Variants in RTL4 observed in about 807,000 individuals in gnomAD.
RTL4 encodes the protein retrotransposon Gag-like protein 4.
A neutral mutation model predicts 5.3 loss-of-function variants in RTL4; 4 were observed. The observed-to-expected ratio is 0.75, with a 90% confidence interval of 0.37 to 1.72. The LOEUF (loss-of-function observed/expected upper bound fraction) is 1.72. Among genes scored for constraint, RTL4 ranks in the 40% most tolerant of loss-of-function variants. The pLI is 0.04. For missense variants in RTL4, 260 were observed against 227.1 expected, an observed-to-expected ratio of 1.14 and a Z score of -0.93; for synonymous variants, 98 against 87.3, an observed-to-expected ratio of 1.12 and a Z score of -0.68.
At chrX:112,191,076 G>A in the RTL4 span, among the ~76,000 whole-genome samples, 1 of 112,558 alleles carries the variant, frequency 8.9e-6, no homozygotes, top group Non-Finnish European at 1.9e-5. Flanking sequence ...GTCTTGGAAG[G>A]TAGGGATGGT....
chrX:112,397,977 C>T, the RTL4 span, among the ~76,000 whole-genome samples: 1 of 111,272 alleles, frequency 9.0e-6, no homozygotes, highest in South Asian at 3.8e-4. Context: ...GCCTTTTATC[C>T]CTTTTCTTGC....
chrX:112,443,528 G>C, the RTL4 span, among the ~76,000 whole-genome samples: 27 of 111,850 alleles, frequency 2.4e-4, no homozygotes, highest in African/African-American at 7.8e-4. Flanking sequence ...CTCCACAGTG[G>C]TTGTACTAAT....
chrX:112,134,285 T>C, the RTL4 span, among the ~76,000 whole-genome samples: 2 of 111,712 alleles, frequency 1.8e-5, no homozygotes. Context: ...CTTTGTGGAG[T>C]GGAGCAAAGC....
chrX:112,356,579 G>GGTGTGTGTGTGTGTGTGT, the RTL4 span, among the ~76,000 whole-genome samples: 4 of 99,438 alleles, frequency 4.0e-5, no homozygotes, highest in African/African-American at 1.5e-4. Flanking sequence ...TTTGTTTTGG[G>GGTGTGTGTGTGTGTGTGT]GTGTGTGTGT....
the RTL4 span, among the ~76,000 whole-genome samples, chrX:112,327,819 T>C: frequency 8.1e-5 from 9 of 111,481 alleles, no homozygotes; most frequent in African/African-American, 2.3e-4. Flanking sequence ...TGGCAGAAAC[T>C]CTACAAGCCA....
chrX:112,354,271 G>A, the RTL4 span, among the ~76,000 whole-genome samples: 1 of 110,971 alleles, frequency 9.0e-6, no homozygotes, highest in African/African-American at 3.3e-5. Flanking sequence ...ACTACATACT[G>A]GCTCCATGAC....
the RTL4 span, among the ~76,000 whole-genome samples, chrX:112,254,618 C>T: frequency 0.015 from 1,642 of 110,495 alleles, 32 homozygotes; most frequent in African/African-American, 0.051. Context: ...TGAGCCACCG[C>T]GCCTGGCCAC....
the RTL4 span, among the ~76,000 whole-genome samples, chrX:112,350,259 G>A: frequency 9.1e-6 from 1 of 109,942 alleles, no homozygotes; most frequent in East Asian, 2.9e-4. Context: ...TGCTAGATTC[G>A]GTTTGCCAGT....
At chrX:112,226,829 A>G in the RTL4 span, among the ~76,000 whole-genome samples, 1 of 107,931 alleles carries the variant, frequency 9.3e-6, no homozygotes, top group Non-Finnish European at 1.9e-5. Context: ...CCAGCTACTC[A>G]GGAGGCTGAG....
chrX:112,100,128 G>T, the RTL4 span, among the ~76,000 whole-genome samples: 6 of 111,625 alleles, frequency 5.4e-5, no homozygotes, highest in Non-Finnish European at 1.1e-4. Flanking sequence ...ATAACATCTT[G>T]AAACACAAGA....
At chrX:112,088,100 C>T in the RTL4 span, among the ~76,000 whole-genome samples, 7 of 109,002 alleles carry the variant, frequency 6.4e-5, no homozygotes, top group African/African-American at 2.3e-4. Context: ...ATCCTCCCAC[C>T]TCTGCCTCCC....
At chrX:112,170,133 C>T in the RTL4 span, among the ~76,000 whole-genome samples, 1 of 111,768 alleles carries the variant, frequency 8.9e-6, no homozygotes, top group Non-Finnish European at 1.9e-5. Flanking sequence ...TGTTTTTGTA[C>T]CAGTACCATG....
At chrX:112,184,486 A>C in the RTL4 span, among the ~76,000 whole-genome samples, 1 of 112,374 alleles carries the variant, frequency 8.9e-6, no homozygotes, top group South Asian at 3.7e-4. Flanking sequence ...TTTAATCCAA[A>C]CTTTTCAAAA....
chrX:112,171,760 G>A, the RTL4 span, among the ~76,000 whole-genome samples: 1 of 111,757 alleles, frequency 8.9e-6, no homozygotes, highest in Non-Finnish European at 1.9e-5. Context: ...AAAAACCCTA[G>A]AAGAAAATCT....
chrX:112,380,651 C>A, the RTL4 span, among the ~76,000 whole-genome samples: 1 of 112,341 alleles, frequency 8.9e-6, no homozygotes, highest in African/African-American at 3.2e-5. Context: ...GCTAGAGAAA[C>A]TTCCATGATG....
At chrX:112,123,990 GA>G in the RTL4 span, among the ~76,000 whole-genome samples, 21 of 104,306 alleles carry the variant, frequency 2.0e-4, no homozygotes, top group East Asian at 6.0e-4. Context: ...AAATTTACAA[GA>G]AAAAAAAAAC....
At chrX:112,264,401 C>A in the RTL4 span, among the ~76,000 whole-genome samples, 4 of 111,437 alleles carry the variant, frequency 3.6e-5, no homozygotes, top group Admixed American at 3.8e-4. Context: ...TTAAATTTGA[C>A]TGCAGATGAT....
At chrX:112,226,946 A>T in the RTL4 span, among the ~76,000 whole-genome samples, 2 of 76,879 alleles carry the variant, frequency 2.6e-5, no homozygotes, top group Non-Finnish European at 4.4e-5. Context: ...AAAATAAAAT[A>T]AAAATAAAAT....
At chrX:112,400,424 G>A in the RTL4 span, among the ~76,000 whole-genome samples, 4 of 111,214 alleles carry the variant, frequency 3.6e-5, no homozygotes, top group African/African-American at 9.8e-5. Context: ...ATCTTTTTTA[G>A]CATGTCCAAT....
Sources: allele counts gnomAD v4.1 joint callset (sites outside exome capture counted in the v4.1 genomes callset), GRCh38; gene constraint gnomAD v4.1.1; transcripts MANE v1.5; gene names NCBI Gene and HGNC (gene_info 2026-07-23, HGNC 2026-07-21).